ZFYVE19: variants seen among roughly 807,000 people sequenced by gnomAD.
ZFYVE19 encodes abscission/NoCut checkpoint regulator.
In ZFYVE19, 49 loss-of-function variants were observed where a neutral mutation model predicts 62.8. That is an observed-to-expected ratio of 0.78 (90% CI 0.62 to 0.99). ZFYVE19 has a LOEUF of 0.99. Ranked by LOEUF, ZFYVE19 falls within the 50% of genes least tolerant of loss-of-function variation. The pLI is 0.00. For synonymous variants in ZFYVE19, 242 were observed against 234.3 expected (o/e 1.03, Z -0.30); for missense variants, 630 against 601.9 (o/e 1.05, Z -0.49).
At chr15:40,810,277 A>T (rs371781466) in intron 5 of ZFYVE19, 61 bp downstream of exon 5, 1 of 1,596,754 alleles carries the variant, frequency 6.3e-7, no homozygotes, top group African/African-American at 1.3e-5. Flanking sequence ...GCAGAAGCCC[A>T]GATACAGGTA....
chr15:40,812,467 A>AGTGAGGT (rs1890516898), intron 6 of ZFYVE19, among the ~76,000 whole-genome samples: 1 of 151,498 alleles, frequency 6.6e-6, no homozygotes, highest in Non-Finnish European at 1.5e-5. Flanking sequence ...AATCGCTTGA[A>AGTGAGGT]TCCAGGAGGC....
Position 40,807,125 on chromosome 15 carries a change from A to G in ZFYVE19, c.-465A>G. 1 of 962,422 alleles carries G rather than the reference A, an allele frequency of 1.0e-6. No individual in the cohort carries two copies. The highest frequency in any genetic ancestry group is 1.5e-6 in the Non-Finnish European group (1 of 668,274). The allele number at this position is 962,422 out of a possible 1,614,324, so 59.6% of individuals were successfully genotyped here. A position where few individuals can be genotyped will look rare whatever the true frequency, so the allele number is the denominator to read the frequency against. On this transcript the variant is annotated 5_prime_UTR_variant, in exon 1 of 11. Transcript: ENST00000355341. Reference sequence around the variant, plus strand: ...CCTCGCCCCGCGGCCTCTAGGAGACAGGGGCCACGGGGAGAGCACAGCCAC... The same window carrying G: ...CCTCGCCCCGCGGCCTCTAGGAGACGGGGGCCACGGGGAGAGCACAGCCAC...
intron 4 of ZFYVE19, 41 bp downstream of exon 4, chr15:40,810,011 AG>A: frequency 6.2e-7 from 1 of 1,614,064 alleles, no homozygotes; most frequent in Non-Finnish European, 8.5e-7. Context: ...GACACAGTCC[AG>A]GGCTTCTGGG....
In ZFYVE19 at chr15:40,809,252, G is replaced by A. The variant is rs749222144; in HGVS notation, c.401+12G>A. The A allele has an allele frequency of 2.5e-6, 4 of 1,613,906 alleles. No individual in the cohort carries two copies. Among genetic ancestry groups the A allele is most frequent in the East Asian group, 2.2e-5 (1 of 44,868 alleles). The stretch of plus-strand genomic sequence containing the variant: ...GAGGTCCTGACCAGGTAAGAGGCAG[G>A]CATGGGTGAAAGTTCAGCCAAGTAT... On this transcript the variant is annotated intron_variant, in intron 2 of 10. Transcript: ENST00000355341.
Position 40,807,756 on chromosome 15 carries a change from G to A in ZFYVE19, c.167G>A (p.Gly56Asp). 4.4e-6 allele frequency: 7 copies of A among 1,588,950 alleles called. No homozygotes were observed. Among genetic ancestry groups the A allele is most frequent in the Non-Finnish European group, 6.0e-6 (7 of 1,171,182 alleles). The change falls in exon 1 of 11, where the codon GGC becomes GAC. Residue 56 changes from glycine (G) to aspartate (D), a missense_variant. Transcript: ENST00000355341. Reference sequence around the variant, plus strand: ...CGGAGCTGGGGTGAGGGTCCAAGGGGCCCAGGACTTGGCCGGCGTGATCTC... The same window carrying A: ...CGGAGCTGGGGTGAGGGTCCAAGGGACCCAGGACTTGGCCGGCGTGATCTC... ...EGRSWGEGPRGPGLGRRDLSS... is the reference protein window; with the variant it reads ...EGRSWGEGPRDPGLGRRDLSS...
At chr15:40,808,129 C>CTATTTAATTTTTTTTTTT in intron 1 of ZFYVE19, 1 of 1,468,696 alleles carries the variant, frequency 6.8e-7, no homozygotes. Context: ...TGCAAAGCTA[C>CTATTTAATTTTTTTTTTT]TCTTTTCTGT....
At position 40,814,028 on chromosome 15, in the gene ZFYVE19, G is replaced by A; in HGVS notation, c.1295G>A (p.Cys432Tyr). ...TGCAATGAGGATGCCACCCTACGCTGCGCTGGCTGCGATGGGGACCTCTTC... is the reference window on the plus strand; with the variant it reads ...TGCAATGAGGATGCCACCCTACGCTACGCTGGCTGCGATGGGGACCTCTTC... ...CICNEDATLR[C>Y]AGCDGDLFCA... The change falls in exon 10 of 11, where the codon TGC becomes TAC. Residue 432 changes from cysteine to tyrosine, a missense_variant. Transcript: ENST00000355341. The A allele has an allele frequency of 1.2e-6, 2 of 1,614,076 alleles. No homozygotes were observed. Among genetic ancestry groups the A allele is most frequent in the South Asian group, 1.1e-5 (1 of 91,062 alleles).
In ZFYVE19 at chr15:40,807,472, A is replaced by G; in HGVS notation, c.-118A>G. 2 of 1,613,956 alleles carry G rather than the reference A, an allele frequency of 1.2e-6. No homozygotes were observed. The highest frequency in any genetic ancestry group is 2.2e-5 in the East Asian group (1 of 44,890). On this transcript the variant is annotated 5_prime_UTR_variant, in exon 1 of 11. Transcript: ENST00000355341. ...GGTTCCGGCCTGACGGATTCGTACT[A>G]CAACTCCCAAGAGTCTAAGCGCGCG... is the stretch of plus-strand genomic sequence containing the variant.
chr15:40,810,560 G>A (rs1890452461), intron 5 of ZFYVE19, 89 bp from the exon 6 acceptor site: 1 of 1,510,926 alleles, frequency 6.6e-7, no homozygotes, highest in African/African-American at 1.4e-5. Flanking sequence ...TCCTTTCCCT[G>A]GGCTTTGAGA....
intron 6 of ZFYVE19, among the ~76,000 whole-genome samples, chr15:40,811,579 A>T (rs570990492): frequency 3.0e-4 from 42 of 142,300 alleles, no homozygotes; most frequent in African/African-American, 9.4e-4. Flanking sequence ...GAATATCCTC[A>T]ATAATCTTAT....
intron 6 of ZFYVE19, chr15:40,811,082 A>G: frequency 3.1e-6 from 1 of 322,398 alleles, no homozygotes. Context: ...GGAAATCAGG[A>G]GGAGTAAACG....
chr15:40,813,634 C>A, intron 8 of ZFYVE19, 79 bp from the exon 9 acceptor site: 1 of 1,366,650 alleles, frequency 7.3e-7, no homozygotes, highest in Non-Finnish European at 1.0e-6. Flanking sequence ...GAAGCTAAGT[C>A]CACAGTGCAC....
At chr15:40,808,012 G>A in intron 1 of ZFYVE19, 144 bp downstream of exon 1, 1 of 1,156,294 alleles carries the variant, frequency 8.6e-7, no homozygotes, top group Non-Finnish European at 1.2e-6. Flanking sequence ...TTCCATTTCT[G>A]TAAAATGGGG....
chr15:40,807,699 T>A lies in ZFYVE19; in HGVS notation c.110T>A (p.Val37Glu), dbSNP rs1319549972. The part of the protein sequence containing the change: ...LGRGGTVPVG[V>E]WGGAGQGREG... ...CGCGGCGGGACAGTGCCAGTGGGCG[T>A]GTGGGGCGGGGCAGGGCAGGGAAGG... The change falls in exon 1 of 11, where the codon GTG becomes GAG. Residue 37 changes from valine to glutamate, a missense_variant. Coordinates refer to ENST00000355341, the MANE Select transcript of ZFYVE19 (RefSeq NM_001077268.2). The A allele has an allele frequency of 2.9e-6, 4 of 1,383,324 alleles. No homozygotes were observed. The South Asian group carries it at 5.1e-5, about 18-fold the overall frequency. The allele number at this position is 1,383,324 out of a possible 1,614,324, so 85.7% of individuals were successfully genotyped here. A position where few individuals can be genotyped will look rare whatever the true frequency, so the allele number is the denominator to read the frequency against.
chr15:40,813,651 A>G, intron 8 of ZFYVE19, 62 bp from the exon 9 acceptor site: 2 of 1,470,148 alleles, frequency 1.4e-6, no homozygotes, highest in Non-Finnish European at 1.9e-6. Context: ...GCACAGAAAT[A>G]CTGGGAGATG....
In ZFYVE19 at chr15:40,813,459, C is replaced by T. The variant is rs371047426; in HGVS notation, c.1110+42C>T. 1.9e-4 allele frequency: 287 copies of T among 1,546,538 alleles called. No homozygotes were observed. In the African/African-American group the frequency reaches 3.4e-3, roughly 19 times the overall value. On this transcript the variant is annotated intron_variant, in intron 8 of 10. Coordinates refer to ENST00000355341, the MANE Select transcript of ZFYVE19 (RefSeq NM_001077268.2). ...CACCTGCCACCCCTTGTCCCGTCTC[C>T]GCCTCATTGCCCCACCTCTACTCTG...
intron 6 of ZFYVE19, among the ~76,000 whole-genome samples, chr15:40,811,543 T>G (rs994675666): frequency 6.6e-6 from 1 of 152,154 alleles, no homozygotes; most frequent in African/African-American, 2.4e-5. Context: ...GATTGAGAAG[T>G]CCTGCTTTAG....
intron 5 of ZFYVE19, 58 bp downstream of exon 5, chr15:40,810,274 C>T: frequency 1.3e-6 from 2 of 1,598,994 alleles, no homozygotes; most frequent in South Asian, 2.2e-5. Flanking sequence ...CCAGCAGAAG[C>T]CCAGATACAG....
chr15:40,813,636 A>T, intron 8 of ZFYVE19, 77 bp from the exon 9 acceptor site: 2 of 1,376,588 alleles, frequency 1.5e-6, no homozygotes, highest in South Asian at 2.6e-5. Context: ...AGCTAAGTCC[A>T]CAGTGCACAG....
Sources: gnomAD v4.1 joint callset for allele counts (sites outside exome capture counted in the v4.1 genomes callset) on GRCh38, gnomAD v4.1.1 for gene constraint, MANE v1.5 for transcripts, NCBI Gene and HGNC (gene_info 2026-07-23, HGNC 2026-07-21) for gene names.